The following EFHC1 variants were observed in gnomAD, a reference collection of about 807,000 sequenced individuals.
The protein encoded by EFHC1 is EF-hand domain-containing protein 1.
Under a neutral mutation model 69.9 loss-of-function variants are expected in EFHC1, and 53 were observed. The observed-to-expected ratio is 0.76, with a 90% CI of 0.61 to 0.95. EFHC1 has a LOEUF of 0.95. EFHC1 is among the 40% of genes least tolerant of loss of function. The pLI, the probability that EFHC1 is intolerant of heterozygous loss-of-function variation, is 0.00. For missense variants in EFHC1, 739 were observed against 798.7 expected (o/e 0.93, Z 0.90); for synonymous variants, 256 against 278.4 (o/e 0.92, Z 0.80).
chr6:52,458,008 C>A (rs1465182478), intron 5 of EFHC1, among the ~76,000 whole-genome samples: 1 of 152,170 alleles, frequency 6.6e-6, no homozygotes, highest in African/African-American at 2.4e-5. Flanking sequence ...ATGAGATCAA[C>A]ATACAGATCA....
intron 3 of EFHC1, among the ~76,000 whole-genome samples, chr6:52,449,008 A>G (rs1005300084): frequency 9.9e-5 from 15 of 152,156 alleles, no homozygotes; most frequent in African/African-American, 3.6e-4. Flanking sequence ...AGGTTTTGGT[A>G]TCAGAATGAT....
intron 6 of EFHC1, among the ~76,000 whole-genome samples, chr6:52,466,659 T>A (rs995963357): frequency 1.3e-5 from 2 of 152,322 alleles, no homozygotes; most frequent in East Asian, 3.9e-4. Context: ...CAGTGCCTAA[T>A]AAATAGGAGG....
At chr6:52,469,260 C>T (rs1189825514) in intron 6 of EFHC1, 73 bp from the exon 7 acceptor site, 1 of 1,583,018 alleles carries the variant, frequency 6.3e-7, no homozygotes, top group South Asian at 1.1e-5. Context: ...TTTCTTTAAA[C>T]TTATAGTTAC....
At chr6:52,471,019 ATG>A (rs1765424429) in intron 7 of EFHC1, among the ~76,000 whole-genome samples, 3 of 152,234 alleles carry the variant, frequency 2.0e-5, no homozygotes, top group African/African-American at 7.2e-5. Context: ...GTGTATGTTT[ATG>A]TGTGTTAGCA....
rs1766056832 is a variant in EFHC1 at position 52,496,220 on chromosome 6, A to ACC, written c.*3880_*3881insCC. On this transcript the variant is annotated 3_prime_UTR_variant, in exon 11 of 11. Coordinates refer to ENST00000371068, the MANE Select transcript of EFHC1 (RefSeq NM_018100.4). ...TACACACACACACCCACACACACAC[A>ACC]CACACAAAGAGAGAATGAGAATTAT... 5 of 155,114 alleles carry ACC rather than the reference A, an allele frequency of 3.2e-5. No individual in the cohort carries two copies. Among genetic ancestry groups the ACC allele is most frequent in the African/African-American group, 1.2e-4 (5 of 40,644 alleles). The allele number at this position is 155,114 out of a possible 1,614,324, so 9.6% of individuals were successfully genotyped here.
At chr6:52,459,195 A>G (rs560430686) in intron 5 of EFHC1, among the ~76,000 whole-genome samples, 1 of 152,256 alleles carries the variant, frequency 6.6e-6, no homozygotes, top group African/African-American at 2.4e-5. Flanking sequence ...ACCAACCTGT[A>G]CATGTACCCT....
At chr6:52,421,137 A>G in intron 1 of EFHC1, 12 of 801,452 alleles carry the variant, frequency 1.5e-5, no homozygotes, top group Non-Finnish European at 1.8e-5. Flanking sequence ...TACATTTTCC[A>G]CAATTTAGTC....
chr6:52,441,905 T>A (rs2113982520), intron 3 of EFHC1, among the ~76,000 whole-genome samples: 1 of 152,298 alleles, frequency 6.6e-6, no homozygotes, highest in Non-Finnish European at 1.5e-5. Context: ...TCAGCTTGGC[T>A]GTTGTTGGTG....
Position 52,438,592 on chromosome 6 carries a change from G to T in EFHC1, c.573+1G>T. The T allele has an allele frequency of 6.2e-7, 1 of 1,613,870 alleles. No homozygotes were observed. The highest frequency in any genetic ancestry group is 8.5e-7 in the Non-Finnish European group (1 of 1,179,842). On this transcript the variant is annotated splice_donor_variant, in intron 3 of 10. Transcript: ENST00000371068. LOFTEE classifies it high-confidence loss of function. ...TGTTGACTGTGACCAATTCACACAG[G>T]TATAGCATATATTTTTGAAAGTTGT...
intron 3 of EFHC1, among the ~76,000 whole-genome samples, chr6:52,442,286 GTTTA>G (rs765099935): frequency 9.2e-5 from 14 of 151,850 alleles, no homozygotes; most frequent in South Asian, 4.1e-4. Context: ...TTAATACCTA[GTTTA>G]TTTATTTATT....
chr6:52,478,659 A>G (rs537708577), intron 7 of EFHC1, among the ~76,000 whole-genome samples: 41 of 152,322 alleles, frequency 2.7e-4, no homozygotes, highest in African/African-American at 8.4e-4. Context: ...TAGCCCACAT[A>G]TATGTTCTAG....
chr6:52,460,142 C>T (rs1765132527), intron 5 of EFHC1, among the ~76,000 whole-genome samples: 1 of 152,040 alleles, frequency 6.6e-6, no homozygotes, highest in Admixed American at 6.5e-5. Flanking sequence ...ATGCAAATGT[C>T]TATTAACAGT....
At chr6:52,484,606 CAA>C (rs1765749043) in intron 9 of EFHC1, 2 of 152,124 alleles carry the variant, frequency 1.3e-5, no homozygotes, top group African/African-American at 2.4e-5. Flanking sequence ...TATGGGAAAA[CAA>C]GAGTAAAAAG....
intron 3 of EFHC1, among the ~76,000 whole-genome samples, chr6:52,450,231 G>A (rs1197476830): frequency 6.6e-6 from 1 of 152,152 alleles, no homozygotes; most frequent in African/African-American, 2.4e-5. Context: ...TGATTATGTG[G>A]TCGATTTTAG....
intron 3 of EFHC1, among the ~76,000 whole-genome samples, chr6:52,447,256 C>T (rs1764808054): frequency 6.6e-6 from 1 of 152,260 alleles, no homozygotes; most frequent in East Asian, 1.9e-4. Context: ...AGGCTTTGTT[C>T]ATTTCTTTTT....
chr6:52,471,064 A>G (rs1205137606), intron 7 of EFHC1, among the ~76,000 whole-genome samples: 1 of 152,250 alleles, frequency 6.6e-6, no homozygotes, highest in Non-Finnish European at 1.5e-5. Context: ...CAAGATGTGA[A>G]GAATCACAGA....
intron 7 of EFHC1, 41 bp from the exon 8 acceptor site, chr6:52,478,996 C>G: frequency 6.3e-7 from 1 of 1,593,570 alleles, no homozygotes; most frequent in Non-Finnish European, 8.6e-7. Context: ...TCTGCATAGA[C>G]CATGAACCTT....
At chr6:52,466,631 C>A (rs1193192539) in intron 6 of EFHC1, among the ~76,000 whole-genome samples, 1 of 152,164 alleles carries the variant, frequency 6.6e-6, no homozygotes, top group Non-Finnish European at 1.5e-5. Flanking sequence ...ATTCATCTTT[C>A]TCTCCTAGTA....
rs1281658195 is a variant in EFHC1, at chr6:52,438,284, C to T, written c.286-20C>T. The T allele has an allele frequency of 1.0e-5, 16 of 1,607,572 alleles. No individual in the cohort carries two copies. The highest frequency in any genetic ancestry group is 1.3e-5 in the Non-Finnish European group (15 of 1,176,644). ...GACAAGCTAATAGTACACCATTTCT[C>T]CTTTCCTTGTATGTTATAGGTACTG... is the stretch of plus-strand genomic sequence containing the variant. On this transcript the variant is annotated intron_variant, in intron 2 of 10. Transcript: ENST00000371068.
Sources: gnomAD v4.1 joint callset for allele counts (sites outside exome capture counted in the v4.1 genomes callset) on GRCh38, gnomAD v4.1.1 for gene constraint, MANE v1.5 for transcripts, NCBI Gene and HGNC (gene_info 2026-07-23, HGNC 2026-07-21) for gene names.